RAD54L2: variants seen among roughly 807,000 people sequenced by gnomAD.
RAD54L2 encodes the protein RAD54 like 2, also known as helicase ARIP4.
A neutral mutation model predicts 138.4 loss-of-function variants in RAD54L2; 27 were observed. The ratio of observed to expected loss-of-function variants is 0.20; its 90% confidence interval spans 0.14 to 0.27. The LOEUF (loss-of-function observed/expected upper bound fraction) is 0.27, where lower values mean the gene tolerates loss of function less well. Ranked by LOEUF, RAD54L2 falls within the 10% of genes least tolerant of loss-of-function variation. RAD54L2 has a pLI of 1.00. For synonymous variants in RAD54L2, 644 were observed against 723.2 expected (o/e 0.89, Z 1.76); for missense variants, 1,396 against 1,890.2 (o/e 0.74, Z 4.85).
chr3:51,577,975 C>T (rs908362800), intron 2 of RAD54L2, among the ~76,000 whole-genome samples: 6 of 151,968 alleles, frequency 3.9e-5, no homozygotes, highest in African/African-American at 1.2e-4. Context: ...TTATGTATTG[C>T]CTAAGGATGT....
At chr3:51,634,323 A>T (rs1700923658) in intron 9 of RAD54L2, among the ~76,000 whole-genome samples, 1 of 149,772 alleles carries the variant, frequency 6.7e-6, no homozygotes, top group Non-Finnish European at 1.5e-5. Flanking sequence ...TCGTAGTAAA[A>T]TTCAACACGA....
intron 2 of RAD54L2, among the ~76,000 whole-genome samples, chr3:51,583,606 T>C (rs993930111): frequency 1.3e-5 from 2 of 149,068 alleles, no homozygotes; most frequent in African/African-American, 4.9e-5. Context: ...TTTTTTTTTT[T>C]AGTAGAGACG....
chr3:51,577,286 A>G (rs1340450687), intron 2 of RAD54L2, among the ~76,000 whole-genome samples: 1 of 152,196 alleles, frequency 6.6e-6, no homozygotes, highest in Non-Finnish European at 1.5e-5. Flanking sequence ...ATTTTGGAAT[A>G]AGTGTGATGT....
At chr3:51,579,195 C>T (rs1035792736) in intron 2 of RAD54L2, among the ~76,000 whole-genome samples, 6 of 148,196 alleles carry the variant, frequency 4.0e-5, no homozygotes, top group South Asian at 2.2e-4. Context: ...CAGAGTCTCA[C>T]GGTGTCGCCC....
Position 51,641,811 on chromosome 3 carries a change from C to T in RAD54L2, c.2294C>T (p.Pro765Leu). Residue 765 changes from proline (P) to leucine (L), a missense_variant, in exon 15 of 23, where the codon CCA becomes CTA. Physicochemically the swap from Pro to Leu is moderately conservative, Grantham distance 98 (BLOSUM62 -3). Transcript: ENST00000684192. ...EFLGKREVPC[P>L]PGTEGQGAQK... is the part of the protein sequence containing the mutation. Reference sequence around the variant, plus strand: ...CTTGGAAAACGAGAAGTACCCTGTCCACCTGGTACCGAGGGGCAAGGAGCA... The same window carrying T: ...CTTGGAAAACGAGAAGTACCCTGTCTACCTGGTACCGAGGGGCAAGGAGCA... 1.9e-6 allele frequency: 3 copies of T among 1,600,560 alleles called. No homozygotes were observed. Among genetic ancestry groups the T allele is most frequent in the Non-Finnish European group, 1.7e-6 (2 of 1,173,312 alleles).
At position 51,667,281 on chromosome 3, in the gene RAD54L2, C is replaced by T. The variant is rs1336226173; in HGVS notation, c.*3861C>T. On this transcript the variant is annotated 3_prime_UTR_variant, in exon 23 of 23. Transcript: ENST00000684192. ...CCGGTTTCAAGCGATCCTCCTGCCTCAGCCTCCCAAGTAGCTGGGATTACA... is the reference window on the plus strand; with the variant it reads ...CCGGTTTCAAGCGATCCTCCTGCCTTAGCCTCCCAAGTAGCTGGGATTACA... The T allele has an allele frequency of 1.3e-5, 2 of 152,170 alleles. No individual in the cohort carries two copies. Among genetic ancestry groups the T allele is most frequent in the Admixed American group, 1.3e-4 (2 of 15,268 alleles). The allele number at this position is 152,170 out of a possible 1,614,324, so 9.4% of individuals were successfully genotyped here. A position where few individuals can be genotyped will look rare whatever the true frequency, so the allele number is the denominator to read the frequency against.
At chr3:51,556,732 A>G (rs1371172553) in intron 2 of RAD54L2, among the ~76,000 whole-genome samples, 2 of 151,796 alleles carry the variant, frequency 1.3e-5, no homozygotes, top group Non-Finnish European at 2.9e-5. Context: ...ATGCGCCACC[A>G]TGCCCGGCTA....
In RAD54L2 at chr3:51,608,567, G is replaced by C. The variant is rs552225875; in HGVS notation, c.139+18008G>C. 3.9e-5 allele frequency among the ~76,000 whole-genome samples: 6 copies of C among 152,364 alleles called. No individual in the cohort carries two copies. In the East Asian group the frequency reaches 1.2e-3, roughly 29 times the overall value. ...GCACTGAGTGAGCGAGACTCCGTCT[G>C]CAATCCCGGCACCTCGGGAGGCTGA... On this transcript the variant is annotated intron_variant, in intron 3 of 22. Transcript: ENST00000684192.
chr3:51,562,382 C>G (rs758016066), intron 2 of RAD54L2, among the ~76,000 whole-genome samples: 12 of 152,208 alleles, frequency 7.9e-5, no homozygotes, highest in Non-Finnish European at 1.3e-4. Flanking sequence ...CAGGCACCCA[C>G]CACCATGTCT....
At chr3:51,543,548 C>G (rs570219107) in intron 2 of RAD54L2, among the ~76,000 whole-genome samples, 1 of 143,734 alleles carries the variant, frequency 7.0e-6, no homozygotes, top group Non-Finnish European at 1.5e-5. Context: ...GCGGAGGTTG[C>G]GGTGAGCAGA....
intron 2 of RAD54L2, among the ~76,000 whole-genome samples, chr3:51,559,520 G>C (rs1699051940): frequency 6.6e-6 from 1 of 152,158 alleles, no homozygotes; most frequent in Admixed American, 6.5e-5. Flanking sequence ...TTATGGATGG[G>C]TCTTTGCATC....
At chr3:51,602,936 T>C (rs1000588073) in intron 3 of RAD54L2, among the ~76,000 whole-genome samples, 1 of 151,976 alleles carries the variant, frequency 6.6e-6, no homozygotes, top group African/African-American at 2.4e-5. Flanking sequence ...GCTGAAAGGA[T>C]CCACCTGTCT....
intron 7 of RAD54L2, among the ~76,000 whole-genome samples, chr3:51,632,542 AC>A (rs1700874750): frequency 6.7e-6 from 1 of 149,164 alleles, no homozygotes; most frequent in Admixed American, 6.7e-5. Context: ...TAATCTGCAC[AC>A]CTTGGCCTCC....
chr3:51,641,736 T>C lies in RAD54L2; in HGVS notation c.2232-13T>C. The C allele has an allele frequency of 6.5e-7, 1 of 1,534,340 alleles. No homozygotes were observed. Among genetic ancestry groups the C allele is most frequent in the East Asian group, 2.4e-5 (1 of 42,120 alleles). ...TTCTGGGAGCCATCTGAACGAAATG[T>C]TTTCTGTTTCAGCCAGAGTCTTTCC... On this transcript the variant is annotated splice_polypyrimidine_tract_variant and intron_variant, in intron 14 of 22. Transcript: ENST00000684192.
At chr3:51,651,983 G>T (rs1311960266) in intron 19 of RAD54L2, among the ~76,000 whole-genome samples, 1 of 152,194 alleles carries the variant, frequency 6.6e-6, no homozygotes, top group Non-Finnish European at 1.5e-5. Flanking sequence ...ATTAGGAAAA[G>T]AGGAAGTCAA....
At chr3:51,655,871 A>G (rs1577467336) in intron 19 of RAD54L2, 100 bp from the exon 20 acceptor site, 2 of 981,912 alleles carry the variant, frequency 2.0e-6, no homozygotes, top group East Asian at 2.4e-5. Flanking sequence ...GCATCAACTG[A>G]TGGTGTAGAA....
intron 22 of RAD54L2, among the ~76,000 whole-genome samples, chr3:51,661,156 T>A (rs1029557970): frequency 6.6e-6 from 1 of 151,970 alleles, no homozygotes. Flanking sequence ...GAGATGGGGT[T>A]TCACCATGTT....
intron 3 of RAD54L2, among the ~76,000 whole-genome samples, chr3:51,604,192 AT>A (rs1700132495): frequency 6.6e-6 from 1 of 152,134 alleles, no homozygotes; most frequent in Admixed American, 6.6e-5. Flanking sequence ...GGAAGATGCC[AT>A]TTTCTGAGCT....
Position 51,637,197 on chromosome 3 carries a change from T to C in RAD54L2, c.1376T>C (p.Val459Ala). 1.3e-6 allele frequency: 2 copies of C among 1,591,492 alleles called. No individual in the cohort carries two copies. Among genetic ancestry groups the C allele is most frequent in the Non-Finnish European group, 1.7e-6 (2 of 1,168,850 alleles). The change falls in exon 11 of 23, where the codon GTA becomes GCA. Residue 459 changes from valine to alanine, a missense_variant. Coordinates refer to ENST00000684192, the MANE Select transcript of RAD54L2 (RefSeq NM_015106.4). This position sits in a 1 kb window ranked among gnomAD's most constrained non-coding sequence, Gnocchi z 5.9. Reference protein sequence around the residue: ...EKALCRPGPDVVICDEGHRIK... With the variant: ...EKALCRPGPDAVICDEGHRIK... ...GCTTTATGCCGCCCTGGCCCTGATG[T>C]AGTAATCTGTGATGAGGGACACCGC...
Sources: gnomAD v4.1 joint callset for allele counts (sites outside exome capture counted in the v4.1 genomes callset) on GRCh38, gnomAD v4.1.1 for gene constraint, Gnocchi (gnomAD v3.1) non-coding constraint, MANE v1.5 for transcripts, NCBI Gene and HGNC (gene_info 2026-07-23, HGNC 2026-07-21) for gene names.